Variants in DHX9 observed in about 807,000 individuals in gnomAD.
DHX9 encodes the protein ATP-dependent RNA helicase A.
Under a neutral mutation model 148.7 loss-of-function variants are expected in DHX9, and 27 were observed. The observed-to-expected ratio is 0.18, with a 90% CI of 0.13 to 0.25. DHX9 has a LOEUF of 0.25. Among genes scored for constraint, DHX9 ranks in the 10% least tolerant of loss-of-function variants. The pLI, the probability that DHX9 is intolerant of heterozygous loss-of-function variation, is 1.00. For missense variants in DHX9, 796 were observed against 1,559.6 expected (o/e 0.51, Z 8.25); for synonymous variants, 529 against 516.6 (o/e 1.02, Z -0.33).
At chr1:182,856,687 A>T in intron 7 of DHX9, 109 bp downstream of exon 7, 1 of 859,244 alleles carries the variant, frequency 1.2e-6, no homozygotes. Flanking sequence ...GAAAGAGCAC[A>T]TAATGTAAGA....
intron 27 of DHX9, among the ~76,000 whole-genome samples, chr1:182,885,324 T>C (rs1213340717): frequency 6.6e-6 from 1 of 152,230 alleles, no homozygotes; most frequent in Non-Finnish European, 1.5e-5. Context: ...CCACTAATTT[T>C]TATTTACATA....
At chr1:182,846,426 G>A (rs140095316) in intron 3 of DHX9, among the ~76,000 whole-genome samples, 54 of 152,238 alleles carry the variant, frequency 3.5e-4, no homozygotes, top group African/African-American at 1.3e-3. Context: ...TAGAGACGGG[G>A]TTTCTCCATG....
At chr1:182,856,445 G>T in intron 6 of DHX9, 87 bp from the exon 7 acceptor site, 1 of 1,154,372 alleles carries the variant, frequency 8.7e-7, no homozygotes, top group Non-Finnish European at 1.3e-6. Context: ...TGCCTAAGCA[G>T]TTGGAAAGCC....
rs1042640425 is a variant in DHX9 at position 182,843,452 on chromosome 1, A to G, written c.252+18A>G. Reference sequence around the variant, plus strand: ...CTTTTGGGGTAAGTACCTATGGCGAAGCACTTGAGATGTATGTTGTAAAGT... The same window carrying G: ...CTTTTGGGGTAAGTACCTATGGCGAGGCACTTGAGATGTATGTTGTAAAGT... On this transcript the variant is annotated intron_variant, in intron 3 of 27. Transcript: ENST00000367549. 5 of 1,562,334 alleles carry G rather than the reference A, an allele frequency of 3.2e-6. No individual in the cohort carries two copies. The highest frequency in any genetic ancestry group is 1.7e-6 in the Non-Finnish European group (2 of 1,159,094).
intron 8 of DHX9, 151 bp from the exon 9 acceptor site, chr1:182,858,400 C>G: frequency 9.9e-7 from 1 of 1,013,252 alleles, no homozygotes; most frequent in Non-Finnish European, 1.5e-6. Flanking sequence ...TCATAATAGG[C>G]AGTGAGTAAA....
intron 11 of DHX9, 25 bp downstream of exon 11, chr1:182,859,142 TAGTGCTC>T: frequency 6.3e-7 from 1 of 1,597,920 alleles, no homozygotes; most frequent in East Asian, 2.2e-5. Flanking sequence ...TTTAGACAAG[TAGTGCTC>T]AGAGCTTCAG....
intron 7 of DHX9, among the ~76,000 whole-genome samples, chr1:182,857,462 T>C (rs566968308): frequency 5.9e-5 from 9 of 152,370 alleles, no homozygotes; most frequent in Admixed American, 5.2e-4. Flanking sequence ...CCTGTTTTTA[T>C]AAGAACTGTT....
At chr1:182,871,966 T>C (rs1367143715) in intron 14 of DHX9, among the ~76,000 whole-genome samples, 2 of 152,032 alleles carry the variant, frequency 1.3e-5, no homozygotes, top group East Asian at 1.9e-4. Context: ...GCCACCACAC[T>C]GGGCTAATTT....
chr1:182,887,226 G>A lies in DHX9; in HGVS notation c.3605G>A (p.Ser1202Asn). ...TATGGTAGCGGAGGCTATGGTGGCAGCGCCAACTCCTTTCGGGCAGGATAT... is the reference window on the plus strand; with the variant it reads ...TATGGTAGCGGAGGCTATGGTGGCAACGCCAACTCCTTTCGGGCAGGATAT... The part of the protein sequence containing the change: ...GGYGSGGYGG[S>N]ANSFRAGYGA... Residue 1202 changes from serine (S) to asparagine (N), a missense_variant, in exon 28 of 28, where the codon AGC becomes AAC. Physicochemically the swap from Ser to Asn is conservative, Grantham distance 46 (BLOSUM62 1). This residue lies in a region of DHX9 where 98 missense variants were observed against 105.5 expected (regional missense o/e 0.93). Coordinates refer to ENST00000367549, the MANE Select transcript of DHX9 (RefSeq NM_001357.5). 1 of 1,614,202 alleles carries A rather than the reference G, an allele frequency of 6.2e-7. No homozygotes were observed. Among genetic ancestry groups the A allele is most frequent in the Non-Finnish European group, 8.5e-7 (1 of 1,180,034 alleles).
intron 14 of DHX9, among the ~76,000 whole-genome samples, chr1:182,869,420 T>C (rs1302432432): frequency 6.6e-6 from 1 of 152,106 alleles, no homozygotes; most frequent in Non-Finnish European, 1.5e-5. Context: ...ACCAGTCTTA[T>C]CCGGTTTGGC....
intron 1 of DHX9, 77 bp from the exon 2 acceptor site, chr1:182,842,468 T>A: frequency 1.3e-6 from 1 of 744,772 alleles, no homozygotes; most frequent in Non-Finnish European, 2.2e-6. Context: ...TAACCCAGAT[T>A]CAGTAATCTA....
chr1:182,850,002 T>TA (rs954556817), intron 3 of DHX9, among the ~76,000 whole-genome samples: 18 of 146,062 alleles, frequency 1.2e-4, no homozygotes, highest in Non-Finnish European at 2.2e-4. Flanking sequence ...CTTTTTTTTT[T>TA]AATTTCATCA....
rs115720565 is a variant in DHX9, at chr1:182,884,074, A to G, written c.3260+439A>G. ...ATCACTTGGGCTCAGGAAGTTCAAG[A>G]TCAGCCTGGACAACATGGTGAAACC... is the stretch of plus-strand genomic sequence containing the variant. On this transcript the variant is annotated intron_variant, in intron 26 of 27. Coordinates refer to ENST00000367549, the MANE Select transcript of DHX9 (RefSeq NM_001357.5). Among the ~76,000 whole-genome samples, 348 of 152,336 alleles carry G rather than the reference A, an allele frequency of 2.3e-3. 2 individuals carry two copies. Among genetic ancestry groups the G allele is most frequent in the African/African-American group, 8.0e-3 (334 of 41,570 alleles).
intron 26 of DHX9, 68 bp downstream of exon 26, chr1:182,883,703 T>A: frequency 1.9e-6 from 2 of 1,075,602 alleles, no homozygotes; most frequent in African/African-American, 1.6e-5. Context: ...ATTCAGCTGC[T>A]AATCTAACTT....
At position 182,887,235 on chromosome 1, in the gene DHX9, C is replaced by T; in HGVS notation, c.3614C>T (p.Ser1205Phe). Reference sequence around the variant, plus strand: ...GGAGGCTATGGTGGCAGCGCCAACTCCTTTCGGGCAGGATATGGTGCAGGT... The same window carrying T: ...GGAGGCTATGGTGGCAGCGCCAACTTCTTTCGGGCAGGATATGGTGCAGGT... The part of the protein sequence containing the change: ...GSGGYGGSAN[S>F]FRAGYGAGVG... The change falls in exon 28 of 28, where the codon TCC (serine) becomes TTC (phenylalanine). Residue 1205 changes from serine (S) to phenylalanine (F), a missense_variant. Transcript: ENST00000367549. 6.2e-7 allele frequency: 1 copy of T among 1,614,078 alleles called. No individual in the cohort carries two copies. Among genetic ancestry groups the T allele is most frequent in the Non-Finnish European group, 8.5e-7 (1 of 1,180,036 alleles).
intron 3 of DHX9, among the ~76,000 whole-genome samples, chr1:182,847,629 C>G (rs955510809): frequency 6.6e-6 from 1 of 152,130 alleles, no homozygotes; most frequent in Non-Finnish European, 1.5e-5. Context: ...CCAGCATTCC[C>G]TCACTTTCTA....
At chr1:182,878,292 G>A in intron 20 of DHX9, 119 bp downstream of exon 20, 1 of 1,143,436 alleles carries the variant, frequency 8.7e-7, no homozygotes. Flanking sequence ...AGCCATGTTG[G>A]AATCAGGTGT....
At chr1:182,847,338 T>A (rs1173613802) in intron 3 of DHX9, among the ~76,000 whole-genome samples, 1 of 152,246 alleles carries the variant, frequency 6.6e-6, no homozygotes, top group Non-Finnish European at 1.5e-5. Flanking sequence ...AATAATGTTA[T>A]ACTCCTCCAA....
At position 182,881,321 on chromosome 1, in the gene DHX9, C is replaced by T. The variant is rs759307411; in HGVS notation, c.2682C>T (p.Ile894=). ...AAATCFPEPF[I]NEGKRLGYIH... ...CTACCTGCTTTCCAGAGCCTTTCAT[C>T]AATGAAGGAAAGCGGCTGGGCTATA... Residue 894 remains isoleucine (I), a synonymous_variant, in exon 23 of 28, where the codon ATC becomes ATT. Coordinates refer to ENST00000367549, the MANE Select transcript of DHX9 (RefSeq NM_001357.5). 38 of 1,614,132 alleles carry T rather than the reference C, an allele frequency of 2.4e-5. No individual in the cohort carries two copies. The South Asian group carries it at 3.6e-4, about 15-fold the overall frequency.
Sources: allele counts gnomAD v4.1 joint callset (sites outside exome capture counted in the v4.1 genomes callset), GRCh38; gene constraint gnomAD v4.1.1; regional missense constraint gnomAD v4.1.1; transcripts MANE v1.5; gene names NCBI Gene and HGNC (gene_info 2026-07-23, HGNC 2026-07-21).